Variants in FGF14 observed in about 807,000 individuals in gnomAD.
FGF14 encodes fibroblast growth factor homologous factor 4.
A neutral mutation model predicts 25.5 loss-of-function variants in FGF14; 5 were observed. The ratio of observed to expected loss-of-function variants is 0.20; its 90% CI spans 0.10 to 0.41. The LOEUF is 0.41. Ranked by LOEUF, FGF14 falls within the 10% of genes least tolerant of loss-of-function variation. The pLI is 1.00. For missense variants in FGF14, 222 were observed against 320.1 expected (o/e 0.69, Z 2.34); for synonymous variants, 138 against 118.3 (o/e 1.17, Z -1.08).
intron 3 of FGF14, chr13:101,802,015 C>T (rs1271368477): frequency 3.5e-5 from 15 of 433,056 alleles, no homozygotes; most frequent in East Asian, 1.2e-4. Flanking sequence ...AGATGTGCTC[C>T]GACAGGTGAA....
chr13:102,183,574 A>T (rs2048761429), intron 1 of FGF14, among the ~76,000 whole-genome samples: 1 of 152,208 alleles, frequency 6.6e-6, no homozygotes, highest in Non-Finnish European at 1.5e-5. Context: ...TAAGAACCCC[A>T]GACTTGCCCC....
intron 1 of FGF14, among the ~76,000 whole-genome samples, chr13:102,069,797 T>G (rs570553455): frequency 2.0e-5 from 3 of 152,290 alleles, no homozygotes; most frequent in African/African-American, 7.2e-5. Flanking sequence ...GCTTCATTCT[T>G]GAAGTCAGTG....
At chr13:102,087,156 A>G (rs1566668145) in intron 1 of FGF14, among the ~76,000 whole-genome samples, 1 of 152,178 alleles carries the variant, frequency 6.6e-6, no homozygotes, top group Non-Finnish European at 1.5e-5. Flanking sequence ...CAGGACTGAT[A>G]TAAGTTGATG....
chr13:102,047,906 T>C (rs2042060475), intron 1 of FGF14, among the ~76,000 whole-genome samples: 2 of 152,052 alleles, frequency 1.3e-5, no homozygotes, highest in Non-Finnish European at 2.9e-5. Context: ...GCCTTCTATT[T>C]AGAAGCAAAA....
intron 3 of FGF14, among the ~76,000 whole-genome samples, chr13:101,778,037 T>C (rs1021755847): frequency 2.0e-5 from 3 of 152,184 alleles, no homozygotes; most frequent in Non-Finnish European, 4.4e-5. Flanking sequence ...ATAAAACATA[T>C]GCTCGGAAGC....
At chr13:102,364,839 G>A (rs2057664156) in intron 1 of FGF14, among the ~76,000 whole-genome samples, 1 of 152,114 alleles carries the variant, frequency 6.6e-6, no homozygotes, top group South Asian at 2.1e-4. Flanking sequence ...AACTGTCTAT[G>A]GGAGAAATGT....
intron 1 of FGF14, among the ~76,000 whole-genome samples, chr13:102,047,281 T>G (rs1187395040): frequency 6.6e-6 from 1 of 152,074 alleles, no homozygotes; most frequent in African/African-American, 2.4e-5. Flanking sequence ...CACATACACA[T>G]ACATACATCT....
chr13:102,009,110 T>C (rs1470619594), intron 1 of FGF14, among the ~76,000 whole-genome samples: 1 of 152,182 alleles, frequency 6.6e-6, no homozygotes, highest in African/African-American at 2.4e-5. Context: ...GAAAAAGCCG[T>C]ATATTTTACA....
intron 1 of FGF14, among the ~76,000 whole-genome samples, chr13:102,145,073 G>C (rs149401361): frequency 1.3e-5 from 2 of 152,164 alleles, no homozygotes; most frequent in African/African-American, 4.8e-5. Context: ...GGGTGATTTG[G>C]GTTGCCAACA....
chr13:101,816,024 A>G (rs1401118239), intron 3 of FGF14, among the ~76,000 whole-genome samples: 1 of 151,754 alleles, frequency 6.6e-6, no homozygotes. Context: ...GTATCCTAGC[A>G]CTTTGGGAGG....
rs140575662 is a variant in FGF14 at position 102,392,387 on chromosome 13, T to C, written c.208+9084A>G. Among the ~76,000 whole-genome samples the C allele has an allele frequency of 7.9e-5, 12 of 152,342 alleles. 1 individual carries two copies. Among genetic ancestry groups the C allele is most frequent in the South Asian group, 4.1e-4 (2 of 4,830 alleles). ...TCTGCTATTGACAAAGAATTGTACA[T>C]AATCGTTTAAAAAAATCATTTTGGC... On this transcript the variant is annotated intron_variant, in intron 1 of 4. Transcript: ENST00000376131.
chr13:102,056,315 G>T (rs1476708874), intron 1 of FGF14, among the ~76,000 whole-genome samples: 1 of 152,172 alleles, frequency 6.6e-6, no homozygotes, highest in Non-Finnish European at 1.5e-5. Context: ...TAGGCTCAAA[G>T]AAACATAGTT....
At chr13:101,953,233 T>C (rs1157450443) in intron 1 of FGF14, among the ~76,000 whole-genome samples, 1 of 152,176 alleles carries the variant, frequency 6.6e-6, no homozygotes, top group Non-Finnish European at 1.5e-5. Flanking sequence ...AACCATCTTT[T>C]CTTCAGGTTC....
intron 1 of FGF14, among the ~76,000 whole-genome samples, chr13:102,195,927 T>C (rs2049330500): frequency 6.7e-6 from 1 of 148,734 alleles, no homozygotes; most frequent in South Asian, 2.1e-4. Flanking sequence ...ATTTTTCTGA[T>C]TAAATTTGTT....
At chr13:101,992,468 A>T (rs2038961997) in intron 1 of FGF14, among the ~76,000 whole-genome samples, 1 of 152,184 alleles carries the variant, frequency 6.6e-6, no homozygotes, top group Non-Finnish European at 1.5e-5. Context: ...CTCAGGCTAA[A>T]TTATCCAAGC....
chr13:101,770,134 CT>C, intron 3 of FGF14, among the ~76,000 whole-genome samples: 1 of 151,916 alleles, frequency 6.6e-6, no homozygotes, highest in East Asian at 1.9e-4. Flanking sequence ...ACATAAAAGT[CT>C]TTTTTTAAGT....
intron 1 of FGF14, among the ~76,000 whole-genome samples, chr13:102,296,647 C>T (rs1478403779): frequency 6.6e-6 from 1 of 152,150 alleles, no homozygotes; most frequent in Non-Finnish European, 1.5e-5. Context: ...TATAGAAGCA[C>T]AATTGTGCAT....
At chr13:101,930,792 C>T (rs569181202) in intron 1 of FGF14, among the ~76,000 whole-genome samples, 1 of 152,264 alleles carries the variant, frequency 6.6e-6, no homozygotes, top group Non-Finnish European at 1.5e-5. Flanking sequence ...ATATAGAGTT[C>T]CAGAGGCTAG....
intron 1 of FGF14, among the ~76,000 whole-genome samples, chr13:102,193,889 AT>A (rs2049229867): frequency 1.1e-5 from 1 of 91,284 alleles, no homozygotes; most frequent in South Asian, 3.8e-4. Flanking sequence ...AGGGGATAAA[AT>A]CAGTCATGAA....
Sources: allele counts gnomAD v4.1 joint callset (sites outside exome capture counted in the v4.1 genomes callset), GRCh38; gene constraint gnomAD v4.1.1; transcripts MANE v1.5; gene names NCBI Gene and HGNC (gene_info 2026-07-23, HGNC 2026-07-21).